The following RTN1 variants were observed in gnomAD, a reference collection of about 807,000 sequenced individuals.
The protein encoded by RTN1 is reticulon-1.
Under a neutral mutation model 65.5 loss-of-function variants are expected in RTN1, and 25 were observed. The ratio of observed to expected loss-of-function variants is 0.38; its 90% CI spans 0.28 to 0.53. The LOEUF is 0.53. RTN1 is among the 20% of genes least tolerant of loss of function. RTN1 has a pLI of 0.79. For synonymous variants in RTN1, 471 were observed against 447.6 expected, an observed-to-expected ratio of 1.05 and a Z score of -0.66; for missense variants, 983 against 1,025.4, an observed-to-expected ratio of 0.96 and a Z score of 0.57.
intron 2 of RTN1, among the ~76,000 whole-genome samples, chr14:59,733,084 T>C (rs918028612): frequency 5.3e-5 from 8 of 149,988 alleles, no homozygotes; most frequent in African/African-American, 1.5e-4. Flanking sequence ...GACTGCTTTT[T>C]TTTTTTTTCT....
intron 3 of RTN1, among the ~76,000 whole-genome samples, chr14:59,652,207 A>G (rs935500598): frequency 6.6e-6 from 1 of 152,264 alleles, no homozygotes; most frequent in Non-Finnish European, 1.5e-5. Flanking sequence ...TTGCAGAGAA[A>G]AGGGAACATT....
chr14:59,806,154 C>A (rs1429856553), intron 1 of RTN1, among the ~76,000 whole-genome samples: 1 of 151,738 alleles, frequency 6.6e-6, no homozygotes, highest in Non-Finnish European at 1.5e-5. Flanking sequence ...GAGAATCACT[C>A]GAACCTGGGA....
rs549666512 is a variant in RTN1 at position 59,646,979 on chromosome 14, C to T, written c.1766-39487G>A. On this transcript the variant is annotated intron_variant, in intron 3 of 8. Coordinates refer to ENST00000267484, the MANE Select transcript of RTN1 (RefSeq NM_021136.3). Reference sequence around the variant, plus strand: ...TCTTGCTTCTTTAACCAGCTTGTCACTCTGTGCCCCATTTAAAAAGCATAT... The same window carrying T: ...TCTTGCTTCTTTAACCAGCTTGTCATTCTGTGCCCCATTTAAAAAGCATAT... 275 of 154,198 alleles carry T rather than the reference C, an allele frequency of 1.8e-3. 1 individual carries two copies. The highest frequency in any genetic ancestry group is 3.5e-3 in the South Asian group (17 of 4,904). 9.6% of individuals were successfully genotyped at this position (154,198 alleles called of 1,614,324 possible). A position where few individuals can be genotyped will look rare whatever the true frequency, so the allele number is the denominator to read the frequency against.
chr14:59,756,854 T>TG (rs1555359249), intron 1 of RTN1, among the ~76,000 whole-genome samples: 34 of 150,004 alleles, frequency 2.3e-4, no homozygotes, highest in Non-Finnish European at 1.2e-4. Context: ...TTTTTTTTTT[T>TG]GTCTCTGTTG....
intron 2 of RTN1, among the ~76,000 whole-genome samples, chr14:59,740,858 G>A (rs185617830): frequency 2.6e-5 from 4 of 152,204 alleles, no homozygotes; most frequent in African/African-American, 4.8e-5. Context: ...TGGTTATTAC[G>A]TATCAAGACT....
At chr14:59,600,390 C>T (rs1881542727) in intron 8 of RTN1, among the ~76,000 whole-genome samples, 1 of 152,116 alleles carries the variant, frequency 6.6e-6, no homozygotes, top group South Asian at 2.1e-4. Flanking sequence ...TTCCAATTTA[C>T]AGATAAGGAA....
intron 1 of RTN1, among the ~76,000 whole-genome samples, chr14:59,866,890 A>T (rs1033738506): frequency 1.3e-5 from 2 of 152,216 alleles, no homozygotes; most frequent in African/African-American, 4.8e-5. Flanking sequence ...TGGAATTTAG[A>T]AGATGTTTTT....
At chr14:59,814,619 G>A (rs1162681413) in intron 1 of RTN1, among the ~76,000 whole-genome samples, 7 of 152,130 alleles carry the variant, frequency 4.6e-5, no homozygotes, top group Admixed American at 3.9e-4. Context: ...GTCATCTATG[G>A]CTTCAACAAA....
chr14:59,708,555 A>G (rs1025719163), intron 3 of RTN1, among the ~76,000 whole-genome samples: 15 of 152,218 alleles, frequency 9.9e-5, no homozygotes, highest in African/African-American at 2.7e-4. Context: ...AGTATTGTCA[A>G]CTGAAAGTCA....
intron 1 of RTN1, among the ~76,000 whole-genome samples, chr14:59,818,275 G>A (rs1029983351): frequency 6.6e-6 from 1 of 152,066 alleles, no homozygotes; most frequent in Non-Finnish European, 1.5e-5. Context: ...CATCATTGGT[G>A]GGCACAACCA....
intron 2 of RTN1, among the ~76,000 whole-genome samples, chr14:59,728,143 G>A (rs757031150): frequency 4.0e-5 from 6 of 151,700 alleles, no homozygotes; most frequent in East Asian, 1.9e-4. Context: ...ATTATTCCTC[G>A]TCCATTGCTG....
rs1332344077 is a variant in RTN1 at position 59,727,495 on chromosome 14, T to G, written c.1189A>C (p.Ser397Arg). The G allele has an allele frequency of 2.5e-6, 4 of 1,591,742 alleles. No homozygotes were observed. The highest frequency in any genetic ancestry group is 3.4e-6 in the Non-Finnish European group (4 of 1,169,750). ...CTGCTGGCCTCGTGGTCCAGGGGGCTGGGGATGGTTGGCGGTCCGGACCTG... is the reference window on the plus strand; with the variant it reads ...CTGCTGGCCTCGTGGTCCAGGGGGCGGGGGATGGTTGGCGGTCCGGACCTG... ...KARSGPPTIP[S>R]PLDHEASSAE... is the part of the protein sequence containing the mutation. The change falls in exon 3 of 9, where the codon AGC becomes CGC. Residue 397 changes from serine to arginine, a missense_variant. By Grantham distance (110) the Ser-to-Arg change is moderately radical. Around this residue, in one of 2 missense-constraint regions of RTN1, gnomAD observed 818 missense variants for 801.8 expected, o/e 1.02. Transcript: ENST00000267484. The surrounding 1 kb of genome is among the most constrained non-coding windows in gnomAD (Gnocchi z 4.2).
chr14:59,628,669 C>T (rs1882464146), intron 3 of RTN1, among the ~76,000 whole-genome samples: 1 of 152,152 alleles, frequency 6.6e-6, no homozygotes, highest in African/African-American at 2.4e-5. Flanking sequence ...TCACAAGTAG[C>T]TCTGCATCAG....
At chr14:59,786,781 C>T (rs997918277) in intron 1 of RTN1, among the ~76,000 whole-genome samples, 2 of 152,188 alleles carry the variant, frequency 1.3e-5, no homozygotes, top group Non-Finnish European at 2.9e-5. Flanking sequence ...AATGATTTCA[C>T]CTTTGCTGTC....
intron 3 of RTN1, among the ~76,000 whole-genome samples, chr14:59,677,286 AG>A (rs1883647289): frequency 6.6e-6 from 1 of 152,218 alleles, no homozygotes; most frequent in Non-Finnish European, 1.5e-5. Flanking sequence ...TCAGATTTTC[AG>A]CCTTGAACAG....
chr14:59,798,320 CTT>C (rs1195592177), intron 1 of RTN1, among the ~76,000 whole-genome samples: 3 of 152,156 alleles, frequency 2.0e-5, no homozygotes, highest in Non-Finnish European at 4.4e-5. Context: ...CAGCTTATAA[CTT>C]AATACAAGTT....
At chr14:59,685,116 A>C (rs557437852) in intron 3 of RTN1, among the ~76,000 whole-genome samples, 1 of 152,334 alleles carries the variant, frequency 6.6e-6, no homozygotes, top group East Asian at 1.9e-4. Flanking sequence ...AGCATTTAAT[A>C]AAACTTAATA....
chr14:59,616,838 C>T (rs1882115968), intron 3 of RTN1, among the ~76,000 whole-genome samples: 1 of 152,144 alleles, frequency 6.6e-6, no homozygotes, highest in Non-Finnish European at 1.5e-5. Context: ...ACTTTTAGGG[C>T]TCTCATGGAA....
chr14:59,636,655 A>G (rs1437847169), intron 3 of RTN1, among the ~76,000 whole-genome samples: 1 of 152,210 alleles, frequency 6.6e-6, no homozygotes, highest in Non-Finnish European at 1.5e-5. Context: ...ATTTTTATGC[A>G]CATAGAGGCA....
Sources: gnomAD v4.1 joint callset for allele counts (sites outside exome capture counted in the v4.1 genomes callset) on GRCh38, gnomAD v4.1.1 for gene constraint, gnomAD v4.1.1 regional missense constraint, Gnocchi (gnomAD v3.1) non-coding constraint, MANE v1.5 for transcripts, NCBI Gene and HGNC (gene_info 2026-07-23, HGNC 2026-07-21) for gene names.